The following PTPRJ variants were observed in gnomAD, a reference collection of about 807,000 sequenced individuals.
PTPRJ encodes receptor-type tyrosine-protein phosphatase eta.
Under a neutral mutation model 141.3 loss-of-function variants are expected in PTPRJ, and 129 were observed. The ratio of observed to expected loss-of-function variants is 0.91; its 90% confidence interval spans 0.79 to 1.06. The LOEUF is 1.06. Among genes scored for constraint, PTPRJ ranks in the 50% least tolerant of loss-of-function variants. The pLI is 0.00. For synonymous variants in PTPRJ, 610 were observed against 640.5 expected (o/e 0.95, Z 0.72); for missense variants, 1,601 against 1,679.7 (o/e 0.95, Z 0.82).
intron 1 of PTPRJ, among the ~76,000 whole-genome samples, chr11:48,024,327 A>G (rs1252674535): frequency 1.3e-5 from 2 of 152,080 alleles, no homozygotes; most frequent in African/African-American, 2.4e-5. Flanking sequence ...CCTCCCGAGT[A>G]GCTGGGACTA....
intron 23 of PTPRJ, among the ~76,000 whole-genome samples, chr11:48,163,934 TGCAAA>T (rs1389690001): frequency 6.6e-6 from 1 of 152,214 alleles, no homozygotes; most frequent in Non-Finnish European, 1.5e-5. Flanking sequence ...CCATATGGTT[TGCAAA>T]GCTTAAGATG....
intron 22 of PTPRJ, 125 bp downstream of exon 22, chr11:48,160,174 C>A: frequency 7.6e-7 from 1 of 1,315,632 alleles, no homozygotes. Flanking sequence ...TTGCTGCTTT[C>A]CTTTCAGAAC....
At chr11:48,162,338 C>T (rs1857803377) in intron 22 of PTPRJ, among the ~76,000 whole-genome samples, 2 of 151,600 alleles carry the variant, frequency 1.3e-5, no homozygotes, top group South Asian at 4.2e-4. Flanking sequence ...TCTTCCTCTC[C>T]CCCTCCTTCT....
chr11:48,102,613 T>C (rs1856177119), intron 1 of PTPRJ, among the ~76,000 whole-genome samples: 1 of 152,060 alleles, frequency 6.6e-6, no homozygotes, highest in Non-Finnish European at 1.5e-5. Context: ...GGTTTCACCA[T>C]GTTACAGGCC....
intron 1 of PTPRJ, among the ~76,000 whole-genome samples, chr11:48,108,579 C>A (rs1477703920): frequency 6.6e-6 from 1 of 152,092 alleles, no homozygotes; most frequent in Non-Finnish European, 1.5e-5. Flanking sequence ...GCAAGTATAG[C>A]CTCCCACAGT....
chr11:48,045,821 G>A (rs187883154), intron 1 of PTPRJ, among the ~76,000 whole-genome samples: 64 of 152,302 alleles, frequency 4.2e-4, no homozygotes, highest in African/African-American at 1.5e-3. Flanking sequence ...TGGCCACCTG[G>A]TACTTAACAA....
At chr11:48,069,641 C>T (rs148450028) in intron 1 of PTPRJ, among the ~76,000 whole-genome samples, 4,351 of 151,454 alleles carry the variant, frequency 0.029, 199 homozygotes, top group African/African-American at 0.099. Context: ...TTAGTAGAGA[C>T]GGGGTTTCAC....
chr11:48,145,883 G>A (rs973499482), intron 14 of PTPRJ, among the ~76,000 whole-genome samples: 4 of 152,062 alleles, frequency 2.6e-5, no homozygotes, highest in African/African-American at 4.8e-5. Flanking sequence ...TTGAGACGGA[G>A]TGTTGCTCTG....
chr11:48,019,919 A>G (rs778401880), intron 1 of PTPRJ, among the ~76,000 whole-genome samples: 9 of 152,206 alleles, frequency 5.9e-5, no homozygotes, highest in Non-Finnish European at 1.0e-4. Context: ...TTGTTTAAAA[A>G]GAGCGATATT....
At chr11:48,103,427 C>T (rs1856203895) in intron 1 of PTPRJ, among the ~76,000 whole-genome samples, 1 of 152,156 alleles carries the variant, frequency 6.6e-6, no homozygotes, top group Non-Finnish European at 1.5e-5. Context: ...CCATTGTACT[C>T]TGGCCTGGGC....
At chr11:48,113,141 TAGAC>T (rs1467431915) in intron 3 of PTPRJ, among the ~76,000 whole-genome samples, 158 bp downstream of exon 3, 1 of 152,180 alleles carries the variant, frequency 6.6e-6, no homozygotes, top group Non-Finnish European at 1.5e-5. Flanking sequence ...ATATAAAACA[TAGAC>T]AAGAAAAGAA....
chr11:48,063,510 C>T (rs1475013499), intron 1 of PTPRJ, among the ~76,000 whole-genome samples: 4 of 152,172 alleles, frequency 2.6e-5, no homozygotes, highest in Non-Finnish European at 5.9e-5. Flanking sequence ...AATTGGCCTT[C>T]CCTGCTCAGT....
In PTPRJ at chr11:48,130,469, A is replaced by T. The variant is rs1297389200; in HGVS notation, c.1368A>T (p.Pro456=). 5.6e-6 allele frequency: 9 copies of T among 1,611,078 alleles called. No individual in the cohort carries two copies. The highest frequency in any genetic ancestry group is 5.1e-6 in the Non-Finnish European group (6 of 1,178,176). Residue 456 remains proline (P), a synonymous_variant, in exon 8 of 25, where the codon CCA becomes CCT. Transcript: ENST00000418331. The stretch of plus-strand genomic sequence containing the variant: ...ACTTTCTTTGCATAGCCCCTGTTCC[A>T]GTTTCTGACTTCCGAGTGACAGTGG... The part of the protein sequence containing the change: ...GFLQVHTPPV[P]VSDFRVTVVS...
chr11:48,075,702 C>T (rs979823115), intron 1 of PTPRJ, among the ~76,000 whole-genome samples: 2 of 152,072 alleles, frequency 1.3e-5, no homozygotes, highest in South Asian at 2.1e-4. Flanking sequence ...CAGAGTGCTG[C>T]GATTACAGGC....
Position 48,159,137 on chromosome 11 carries a change from G to C in PTPRJ, c.3439-793G>C, listed in dbSNP as rs1308720096. 2.7e-5 allele frequency among the ~76,000 whole-genome samples: 4 copies of C among 147,638 alleles called. No homozygotes were observed. In the South Asian group the frequency reaches 8.8e-4, roughly 32 times the overall value. ...GTGTATGTGGGGTGTGTGTGTGTGTGTGTGTGTGTGTGTGTGTGTGTGTGG... is the reference window on the plus strand; with the variant it reads ...GTGTATGTGGGGTGTGTGTGTGTGTCTGTGTGTGTGTGTGTGTGTGTGTGG... On this transcript the variant is annotated intron_variant, in intron 21 of 24. Transcript: ENST00000418331.
intron 1 of PTPRJ, among the ~76,000 whole-genome samples, chr11:47,993,130 G>A (rs1314044254): frequency 2.6e-5 from 4 of 152,182 alleles, no homozygotes; most frequent in African/African-American, 9.7e-5. Flanking sequence ...TTCAGGAAGG[G>A]AAGTGGGCCG....
intron 1 of PTPRJ, among the ~76,000 whole-genome samples, chr11:48,073,654 C>G (rs1275366793): frequency 6.6e-6 from 1 of 151,874 alleles, no homozygotes; most frequent in Non-Finnish European, 1.5e-5. Context: ...TCCCAATTCC[C>G]TTGATCGGTT....
chr11:48,097,916 C>T (rs558684204), intron 1 of PTPRJ, among the ~76,000 whole-genome samples: 200 of 152,220 alleles, frequency 1.3e-3, no homozygotes, highest in African/African-American at 4.7e-3. Flanking sequence ...GGCTTTCACT[C>T]CGTCCCTAGA....
At chr11:48,015,754 G>A (rs1288219537) in intron 1 of PTPRJ, 1 of 151,550 alleles carries the variant, frequency 6.6e-6, no homozygotes, top group Non-Finnish European at 1.5e-5. Flanking sequence ...GGGAGGCTGA[G>A]GCAGGAGAAT....
Sources: gnomAD v4.1 joint callset for allele counts (sites outside exome capture counted in the v4.1 genomes callset) on GRCh38, gnomAD v4.1.1 for gene constraint, MANE v1.5 for transcripts, NCBI Gene and HGNC (gene_info 2026-07-23, HGNC 2026-07-21) for gene names.